Variants in GALNTL6 observed in about 807,000 individuals in gnomAD.
The protein encoded by GALNTL6 is polypeptide N-acetylgalactosaminyltransferase like 6, also known as polypeptide N-acetylgalactosaminyltransferase-like 6.
A neutral mutation model predicts 73.7 loss-of-function variants in GALNTL6; 46 were observed. That is an observed-to-expected ratio of 0.62 (90% confidence interval 0.49 to 0.80). The LOEUF (loss-of-function observed/expected upper bound fraction) is 0.80. GALNTL6 is among the 30% of genes least tolerant of loss of function. The pLI is 0.00. For missense variants in GALNTL6, 604 were observed against 755.0 expected (o/e 0.80, Z 2.34); for synonymous variants, 259 against 263.7 (o/e 0.98, Z 0.17).
At chr4:172,487,351 TTTCTTTCC>T (rs1554029574) in intron 5 of GALNTL6, among the ~76,000 whole-genome samples, 2 of 104,570 alleles carry the variant, frequency 1.9e-5, no homozygotes, top group South Asian at 2.8e-4. Context: ...TCTTTCTTTC[TTTCTTTCC>T]TTCTTTCCTT....
Position 172,504,504 on chromosome 4 carries a change from G to C in GALNTL6, c.553+155815G>C, listed in dbSNP as rs1486315324. On this transcript the variant is annotated intron_variant, in intron 5 of 12. Coordinates refer to ENST00000506823, the MANE Select transcript of GALNTL6 (RefSeq NM_001034845.3). ...TCCTTGATGATTACATTTCAGAAAT[G>C]GTTCCCAGATCCTTGAGAAAGATAT... Among the ~76,000 whole-genome samples the C allele has an allele frequency of 3.8e-5, 2 of 52,818 alleles. 1 individual carries two copies. The highest frequency in any genetic ancestry group is 9.5e-5 in the African/African-American group (2 of 20,988). 34.7% of individuals were successfully genotyped at this position (52,818 alleles called of 152,430 possible).
chr4:172,960,029 T>C (rs1749960388), intron 10 of GALNTL6, among the ~76,000 whole-genome samples: 1 of 152,212 alleles, frequency 6.6e-6, no homozygotes, highest in African/African-American at 2.4e-5. Flanking sequence ...AATTAAGTCC[T>C]GTTGTGGGGT....
At chr4:172,966,698 G>A (rs552067053) in intron 10 of GALNTL6, among the ~76,000 whole-genome samples, 23 of 152,300 alleles carry the variant, frequency 1.5e-4, no homozygotes, top group Non-Finnish European at 3.1e-4. Flanking sequence ...AGCCCAGGGA[G>A]TCAATTCTAA....
intron 2 of GALNTL6, among the ~76,000 whole-genome samples, chr4:172,224,573 A>G (rs1736788937): frequency 6.6e-6 from 1 of 152,194 alleles, no homozygotes; most frequent in Non-Finnish European, 1.5e-5. Context: ...TAACTTAGAG[A>G]TAAAGAAACA....
chr4:172,294,555 G>C (rs1166234851), intron 3 of GALNTL6, among the ~76,000 whole-genome samples: 1 of 151,898 alleles, frequency 6.6e-6, no homozygotes, highest in Non-Finnish European at 1.5e-5. Flanking sequence ...GCACTTCTTG[G>C]GAATAAATGA....
intron 2 of GALNTL6, among the ~76,000 whole-genome samples, chr4:171,945,363 T>C (rs1738672174): frequency 6.6e-6 from 1 of 152,098 alleles, no homozygotes; most frequent in African/African-American, 2.4e-5. Flanking sequence ...ATTCTTATTT[T>C]TTCTCAAAGT....
At chr4:172,628,052 G>A (rs1467774866) in intron 5 of GALNTL6, among the ~76,000 whole-genome samples, 2 of 151,890 alleles carry the variant, frequency 1.3e-5, no homozygotes, top group Non-Finnish European at 2.9e-5. Context: ...ATGAAATAAA[G>A]AAAAATATAC....
intron 2 of GALNTL6, among the ~76,000 whole-genome samples, chr4:171,838,083 A>T (rs1735146557): frequency 6.6e-6 from 1 of 151,308 alleles, no homozygotes; most frequent in Non-Finnish European, 1.5e-5. Context: ...TGTGGGTTTA[A>T]AAGTTTAAAA....
At chr4:172,156,555 A>ATAGTATATATATATATATAG (rs1165079037) in intron 2 of GALNTL6, among the ~76,000 whole-genome samples, 2 of 136,462 alleles carry the variant, frequency 1.5e-5, no homozygotes, top group African/African-American at 5.8e-5. Context: ...ATATATATAT[A>ATAGTATATATATATATATAG]TATATATATA....
chr4:172,233,611 T>C (rs1737145387), intron 3 of GALNTL6, among the ~76,000 whole-genome samples: 1 of 152,164 alleles, frequency 6.6e-6, no homozygotes, highest in African/African-American at 2.4e-5. Context: ...TTCTCTATCC[T>C]GTTCTGTGAG....
At chr4:172,660,202 T>C (rs1466856373) in intron 5 of GALNTL6, among the ~76,000 whole-genome samples, 3 of 152,186 alleles carry the variant, frequency 2.0e-5, no homozygotes, top group Non-Finnish European at 4.4e-5. Context: ...TGAAGAATTA[T>C]AAAAACAACT....
At chr4:172,313,635 T>C (rs1268500696) in intron 4 of GALNTL6, among the ~76,000 whole-genome samples, 2 of 152,148 alleles carry the variant, frequency 1.3e-5, no homozygotes, top group Non-Finnish European at 2.9e-5. Context: ...AATTCTGAAA[T>C]TTTTATTAGG....
chr4:172,161,887 A>G, intron 2 of GALNTL6, among the ~76,000 whole-genome samples: 1 of 152,056 alleles, frequency 6.6e-6, no homozygotes, highest in East Asian at 1.9e-4. Flanking sequence ...TAGAAAAAAG[A>G]AATAGTATGT....
intron 3 of GALNTL6, among the ~76,000 whole-genome samples, chr4:172,249,530 A>G (rs559370396): frequency 6.6e-6 from 1 of 152,322 alleles, no homozygotes; most frequent in African/African-American, 2.4e-5. Context: ...GGCATGTCAG[A>G]GACCTTCACG....
chr4:172,940,526 C>A (rs1748862284), intron 9 of GALNTL6, among the ~76,000 whole-genome samples: 2 of 152,100 alleles, frequency 1.3e-5, no homozygotes, highest in African/African-American at 2.4e-5. Context: ...CCATGCCCAG[C>A]TAATTTTTGT....
intron 3 of GALNTL6, among the ~76,000 whole-genome samples, chr4:172,233,205 C>CAAA: frequency 9.6e-6 from 1 of 104,706 alleles, no homozygotes; most frequent in African/African-American, 3.7e-5. Context: ...CTCATCTCTC[C>CAAA]AAAAAAAAAA....
intron 4 of GALNTL6, among the ~76,000 whole-genome samples, chr4:172,346,988 C>CTTTTTTTTTTTTTTTTTTT (rs34332250): frequency 9.6e-5 from 11 of 114,406 alleles, no homozygotes; most frequent in Non-Finnish European, 1.5e-4. Context: ...TGTTTTCTTT[C>CTTTTTTTTTTTTTTTTTTT]TTTTTTTTTT....
intron 10 of GALNTL6, among the ~76,000 whole-genome samples, chr4:173,004,548 C>A (rs1336356703): frequency 2.0e-5 from 3 of 152,140 alleles, no homozygotes; most frequent in Non-Finnish European, 4.4e-5. Flanking sequence ...ATTGCTTGAA[C>A]CCAGGAGGTG....
chr4:171,837,533 A>C (rs1451168832), intron 2 of GALNTL6, among the ~76,000 whole-genome samples: 1 of 137,418 alleles, frequency 7.3e-6, no homozygotes, highest in Non-Finnish European at 1.6e-5. Context: ...CTTCATACTA[A>C]ATGGTTCAGA....
Sources: allele counts gnomAD v4.1 joint callset (sites outside exome capture counted in the v4.1 genomes callset), GRCh38; gene constraint gnomAD v4.1.1; transcripts MANE v1.5; gene names NCBI Gene and HGNC (gene_info 2026-07-23, HGNC 2026-07-21).